Variants in RBBP4 observed in about 807,000 individuals in gnomAD.
RBBP4 encodes the protein RB binding protein 4, chromatin remodeling factor.
Under a neutral mutation model 57.2 loss-of-function variants are expected in RBBP4, and 3 were observed. That is an observed-to-expected ratio of 0.05 (90% CI 0.02 to 0.14). The LOEUF is 0.14. RBBP4 is among the 10% of genes least tolerant of loss of function. The pLI, the probability that RBBP4 is intolerant of heterozygous loss-of-function variation, is 1.00. For synonymous variants in RBBP4, 151 were observed against 171.5 expected (o/e 0.88, Z 0.93); for missense variants, 107 against 520.6 (o/e 0.21, Z 7.73).
At chr1:32,652,703 G>A (rs1329928863) in intron 2 of RBBP4, among the ~76,000 whole-genome samples, 1 of 152,064 alleles carries the variant, frequency 6.6e-6, no homozygotes, top group African/African-American at 2.4e-5. Context: ...CACCACGCCT[G>A]GCTAAATTTT....
intron 11 of RBBP4, among the ~76,000 whole-genome samples, chr1:32,673,839 C>T (rs1648979992): frequency 6.6e-6 from 1 of 152,128 alleles, no homozygotes; most frequent in South Asian, 2.1e-4. Flanking sequence ...TGGCTCACGC[C>T]TGTAATCCCA....
At position 32,682,657 on chromosome 1, in the gene RBBP4, G is replaced by C. The variant is rs1243431580; in HGVS notation, c.*2952G>C. ...GTGGTGGCATGCTCCTGTAGTCCCA[G>C]CTACTCAGGAGGCTGAGGCAGGAAA... On this transcript the variant is annotated 3_prime_UTR_variant, in exon 12 of 12. Coordinates refer to ENST00000373493, the MANE Select transcript of RBBP4 (RefSeq NM_005610.3). 6.6e-6 allele frequency: 1 copy of C among 151,992 alleles called. No homozygotes were observed. The highest frequency in any genetic ancestry group is 1.5e-5 in the Non-Finnish European group (1 of 68,058). The allele number at this position is 151,992 out of a possible 1,614,324, so 9.4% of individuals were successfully genotyped here.
rs763289040 is a variant in RBBP4 at position 32,683,982 on chromosome 1, A to G, written c.*4277A>G. 6.2e-7 allele frequency: 1 copy of G among 1,606,386 alleles called. No homozygotes were observed. Among genetic ancestry groups the G allele is most frequent in the East Asian group, 2.2e-5 (1 of 44,842 alleles). On this transcript the variant is annotated 3_prime_UTR_variant, in exon 12 of 12. Coordinates refer to ENST00000373493, the MANE Select transcript of RBBP4 (RefSeq NM_005610.3). ...TGTTAGGAAAGCAGTAACAATGCAA[A>G]CACCACTCTTCTCTTCACAAAGATC...
chr1:32,655,520 A>C (rs1648102480), intron 2 of RBBP4, among the ~76,000 whole-genome samples: 1 of 151,934 alleles, frequency 6.6e-6, no homozygotes, highest in African/African-American at 2.4e-5. Flanking sequence ...ATTTCTTTTC[A>C]GTGTAATGTA....
At position 32,678,567 on chromosome 1, in the gene RBBP4, CTTTTTTTTTTTTTTTTTTTTTTT is replaced by C. The variant is rs558897341; in HGVS notation, c.1213-1055_1213-1033del. On this transcript the variant is annotated intron_variant, in intron 11 of 11. Transcript: ENST00000373493. The stretch of plus-strand genomic sequence containing the variant: ...AATAAAATCCTAAAGTATGTGACAG[CTTTTTTTTTTTTTTTTTTTTTTT>C]TTTTTTTTTTTTTTTTTGGCACACA... Among the ~76,000 whole-genome samples the C allele has an allele frequency of 3.9e-4, 17 of 43,656 alleles. 3 individuals carry two copies. In the Admixed American group the frequency reaches 4.5e-3, roughly 12 times the overall value. The allele number at this position is 43,656 out of a possible 152,430, so 28.6% of individuals were successfully genotyped here.
chr1:32,674,871 G>C (rs1187546404), intron 11 of RBBP4, among the ~76,000 whole-genome samples: 1 of 151,658 alleles, frequency 6.6e-6, no homozygotes, highest in Non-Finnish European at 1.5e-5. Context: ...AGGATTACAG[G>C]CATGCACCAC....
intron 2 of RBBP4, among the ~76,000 whole-genome samples, chr1:32,653,907 C>T (rs1381352575): frequency 6.6e-6 from 1 of 151,908 alleles, no homozygotes; most frequent in Non-Finnish European, 1.5e-5. Context: ...ATCCACCCGC[C>T]TCGGCCTTCC....
rs1649405655 is a variant in RBBP4, at chr1:32,681,100, A to G, written c.*1395A>G. 6.5e-6 allele frequency: 1 copy of G among 152,746 alleles called. No homozygotes were observed. The highest frequency in any genetic ancestry group is 1.9e-4 in the East Asian group (1 of 5,208). The allele number at this position is 152,746 out of a possible 1,614,324, so 9.5% of individuals were successfully genotyped here. A position where few individuals can be genotyped will look rare whatever the true frequency, so the allele number is the denominator to read the frequency against. ...CTCTATCACCAGATGCAATAACCAG[A>G]TAAAATTCCTGTTTTTTCCCAATCG... On this transcript the variant is annotated 3_prime_UTR_variant, in exon 12 of 12. Coordinates refer to ENST00000373493, the MANE Select transcript of RBBP4 (RefSeq NM_005610.3).
chr1:32,679,807 C>G lies in RBBP4; in HGVS notation c.*102C>G, dbSNP rs1254775342. ...AGACAGACTTTATTCAGCTATCCCTCTATATAATAGGTACCACCGATAATG... is the reference window on the plus strand; with the variant it reads ...AGACAGACTTTATTCAGCTATCCCTGTATATAATAGGTACCACCGATAATG... On this transcript the variant is annotated 3_prime_UTR_variant, in exon 12 of 12. Transcript: ENST00000373493. 1 of 1,537,100 alleles carries G rather than the reference C, an allele frequency of 6.5e-7. No individual in the cohort carries two copies. Among genetic ancestry groups the G allele is most frequent in the Non-Finnish European group, 8.7e-7 (1 of 1,147,088 alleles).
intron 4 of RBBP4, 128 bp downstream of exon 4, chr1:32,668,526 A>G: frequency 9.2e-7 from 1 of 1,081,936 alleles, no homozygotes; most frequent in Non-Finnish European, 1.3e-6. Context: ...ATATGTGTAT[A>G]TTTTTCTTCA....
At chr1:32,673,723 A>G (rs1430312127) in intron 11 of RBBP4, 1 of 182,580 alleles carries the variant, frequency 5.5e-6, no homozygotes, top group Non-Finnish European at 1.2e-5. Context: ...GGCATGAGCC[A>G]CCGCGCCTGG....
Position 32,684,899 on chromosome 1 carries a change from T to C in RBBP4, c.*5194T>C, listed in dbSNP as rs1163576347. ...AAATGGCTTGTTTAAGGAAAAGTTT[T>C]TGTGTCCAAAGCTCCTTAAAGTCAG... On this transcript the variant is annotated 3_prime_UTR_variant, in exon 12 of 12. Coordinates refer to ENST00000373493, the MANE Select transcript of RBBP4 (RefSeq NM_005610.3). 6.5e-6 allele frequency: 1 copy of C among 153,490 alleles called. No homozygotes were observed. Among genetic ancestry groups the C allele is most frequent in the Admixed American group, 6.5e-5 (1 of 15,474 alleles). 9.5% of individuals were successfully genotyped at this position (153,490 alleles called of 1,614,324 possible).
chr1:32,684,436 T>C lies in RBBP4; in HGVS notation c.*4731T>C. 6.2e-7 allele frequency: 1 copy of C among 1,610,958 alleles called. No homozygotes were observed. The highest frequency in any genetic ancestry group is 8.5e-7 in the Non-Finnish European group (1 of 1,178,426). ...ATGAGCCAAACAATAAAAACTCACATTGTCCACTCTTACTTATAAAACACT... is the reference window on the plus strand; with the variant it reads ...ATGAGCCAAACAATAAAAACTCACACTGTCCACTCTTACTTATAAAACACT... On this transcript the variant is annotated 3_prime_UTR_variant, in exon 12 of 12. Transcript: ENST00000373493.
At position 32,681,763 on chromosome 1, in the gene RBBP4, T is replaced by A. The variant is rs748978544; in HGVS notation, c.*2058T>A. The A allele has an allele frequency of 6.2e-7, 1 of 1,609,628 alleles. No homozygotes were observed. The highest frequency in any genetic ancestry group is 1.7e-5 in the Admixed American group (1 of 59,920). Reference sequence around the variant, plus strand: ...CCAAGTTTCTGGCACTCTTGTCTGGTTGGAAGAGTACATCCAAAGGGTACT... The same window carrying A: ...CCAAGTTTCTGGCACTCTTGTCTGGATGGAAGAGTACATCCAAAGGGTACT... On this transcript the variant is annotated 3_prime_UTR_variant, in exon 12 of 12. Transcript: ENST00000373493.
intron 3 of RBBP4, among the ~76,000 whole-genome samples, chr1:32,658,107 CCT>C (rs1648223829): frequency 6.6e-6 from 1 of 152,130 alleles, no homozygotes; most frequent in Non-Finnish European, 1.5e-5. Flanking sequence ...CCCACCTCAG[CCT>C]CTCAGAGTGC....
intron 2 of RBBP4, among the ~76,000 whole-genome samples, chr1:32,657,048 G>T (rs61798953): frequency 1.3e-5 from 2 of 152,074 alleles, no homozygotes; most frequent in Non-Finnish European, 2.9e-5. Flanking sequence ...GGCTGAGGTG[G>T]GTGGATAATT....
chr1:32,651,426 G>C (rs1647618736), intron 1 of RBBP4, 104 bp downstream of exon 1: 2 of 1,383,088 alleles, frequency 1.4e-6, no homozygotes, highest in Non-Finnish European at 1.9e-6. Flanking sequence ...GCCGAGTGCA[G>C]TCCCCGGTAC....
chr1:32,651,218 G>C lies in RBBP4; in HGVS notation c.-89G>C. Reference sequence around the variant, plus strand: ...CGCGCTGGGGGCGCAGGAAACAATAGAGGCCGCGCGCACAGAGCGAGCTCT... The same window carrying C: ...CGCGCTGGGGGCGCAGGAAACAATACAGGCCGCGCGCACAGAGCGAGCTCT... On this transcript the variant is annotated 5_prime_UTR_variant, in exon 1 of 12. Coordinates refer to ENST00000373493, the MANE Select transcript of RBBP4 (RefSeq NM_005610.3). 6.7e-7 allele frequency: 1 copy of C among 1,492,512 alleles called. No individual in the cohort carries two copies. Among genetic ancestry groups the C allele is most frequent in the Non-Finnish European group, 9.0e-7 (1 of 1,116,136 alleles). 92.5% of individuals were successfully genotyped at this position (1,492,512 alleles called of 1,614,324 possible).
chr1:32,652,245 A>G, intron 2 of RBBP4, 184 bp downstream of exon 2: 1 of 675,640 alleles, frequency 1.5e-6, no homozygotes, highest in Non-Finnish European at 2.4e-6. Context: ...ACCTGACAAG[A>G]GAAAACATAT....
Sources: allele counts gnomAD v4.1 joint callset (sites outside exome capture counted in the v4.1 genomes callset), GRCh38; gene constraint gnomAD v4.1.1; transcripts MANE v1.5; gene names NCBI Gene and HGNC (gene_info 2026-07-23, HGNC 2026-07-21).